Variants in SPAG16 observed in about 807,000 individuals in gnomAD.
SPAG16 encodes the protein sperm associated antigen 16, also known as sperm-associated antigen 16 protein.
SPAG16 carries 86 observed loss-of-function variants against 80.4 expected under a neutral mutation model. The ratio of observed to expected loss-of-function variants is 1.07; its 90% CI spans 0.90 to 1.28. The LOEUF (loss-of-function observed/expected upper bound fraction) is 1.28, where lower values mean the gene tolerates loss of function less well. SPAG16 is among the 50% of genes most tolerant of loss of function. The probability of loss-of-function intolerance (pLI) is 0.00; values close to 1 mark genes in which losing one functional copy is unlikely to be tolerated. For synonymous variants in SPAG16, 294 were observed against 265.9 expected, an observed-to-expected ratio of 1.11 and a Z score of -1.03; for missense variants, 870 against 765.3, an observed-to-expected ratio of 1.14 and a Z score of -1.61.
At chr2:213,663,565 A>G (rs985999839) in intron 10 of SPAG16, among the ~76,000 whole-genome samples, 1 of 152,120 alleles carries the variant, frequency 6.6e-6, no homozygotes, top group African/African-American at 2.4e-5. Context: ...TTTTATGGAC[A>G]GCAATTTGAT....
At chr2:213,326,590 T>C (rs968936243) in intron 5 of SPAG16, among the ~76,000 whole-genome samples, 1 of 152,018 alleles carries the variant, frequency 6.6e-6, no homozygotes, top group Non-Finnish European at 1.5e-5. Context: ...AATATAAAAT[T>C]TAGTGGGTTA....
chr2:214,177,136 A>G (rs1392694270), intron 15 of SPAG16, among the ~76,000 whole-genome samples: 2 of 151,222 alleles, frequency 1.3e-5, no homozygotes, highest in East Asian at 3.9e-4. Flanking sequence ...TATGAAAACT[A>G]AAACCATTTT....
In SPAG16 at chr2:214,205,241, G is replaced by C. The variant is rs529764038; in HGVS notation, c.1720+55975G>C. 4.7e-4 allele frequency among the ~76,000 whole-genome samples: 71 copies of C among 151,780 alleles called. 2 individuals carry two copies. In the East Asian group the frequency reaches 0.013, roughly 27 times the overall value. ...TCTGCCAAAAAAAAAGAAAGAAGAA[G>C]AAGCTATATCAAAAAAATGATACAA... On this transcript the variant is annotated intron_variant, in intron 15 of 15. Coordinates refer to ENST00000331683, the MANE Select transcript of SPAG16 (RefSeq NM_024532.5).
intron 15 of SPAG16, among the ~76,000 whole-genome samples, chr2:214,199,482 T>C (rs548378652): frequency 5.4e-4 from 82 of 152,232 alleles, no homozygotes; most frequent in Non-Finnish European, 1.0e-3. Flanking sequence ...TATACCAGTA[T>C]CATGCTATTT....
intron 15 of SPAG16, among the ~76,000 whole-genome samples, chr2:214,208,103 ACT>A (rs2058196095): frequency 6.6e-6 from 1 of 151,674 alleles, no homozygotes; most frequent in African/African-American, 2.4e-5. Flanking sequence ...CTCCTTAATA[ACT>A]CTCTTTCATA....
chr2:213,360,613 C>G (rs961349001), intron 7 of SPAG16, among the ~76,000 whole-genome samples: 4 of 152,158 alleles, frequency 2.6e-5, no homozygotes, highest in African/African-American at 9.7e-5. Context: ...TTATTGCCAA[C>G]CAATCCTTTC....
At chr2:214,187,608 T>C (rs148509862) in intron 15 of SPAG16, among the ~76,000 whole-genome samples, 14 of 152,066 alleles carry the variant, frequency 9.2e-5, no homozygotes, top group African/African-American at 3.4e-4. Flanking sequence ...GAAACAGGCT[T>C]TTTCATCCAC....
intron 10 of SPAG16, among the ~76,000 whole-genome samples, chr2:213,780,983 A>G (rs960881815): frequency 2.6e-5 from 4 of 152,214 alleles, no homozygotes; most frequent in Admixed American, 2.6e-4. Context: ...CATTTGCTTT[A>G]CCTGAAGGCC....
intron 15 of SPAG16, among the ~76,000 whole-genome samples, chr2:214,262,078 T>A (rs1272256846): frequency 6.6e-6 from 1 of 152,006 alleles, no homozygotes; most frequent in Non-Finnish European, 1.5e-5. Flanking sequence ...ATAATTAGAC[T>A]ATCTATCTGA....
At chr2:214,196,963 T>A (rs1460739458) in intron 15 of SPAG16, among the ~76,000 whole-genome samples, 2 of 152,032 alleles carry the variant, frequency 1.3e-5, no homozygotes, top group Non-Finnish European at 2.9e-5. Context: ...GGAAGACCAC[T>A]TGATGCCAGC....
intron 13 of SPAG16, among the ~76,000 whole-genome samples, chr2:214,060,755 G>T (rs1017467066): frequency 2.0e-4 from 31 of 151,920 alleles, no homozygotes; most frequent in African/African-American, 7.5e-4. Context: ...GCATGGGAGT[G>T]GGACAGAGAG....
At chr2:214,208,795 A>C (rs1559129880) in intron 15 of SPAG16, among the ~76,000 whole-genome samples, 1 of 152,184 alleles carries the variant, frequency 6.6e-6, no homozygotes, top group Non-Finnish European at 1.5e-5. Context: ...TAACATAGAC[A>C]GGGCACTTAA....
chr2:213,913,384 T>C (rs553759439), intron 11 of SPAG16, among the ~76,000 whole-genome samples: 12 of 152,230 alleles, frequency 7.9e-5, no homozygotes, highest in Non-Finnish European at 1.5e-4. Flanking sequence ...GAAGCACATG[T>C]GTAAACGTTT....
intron 10 of SPAG16, among the ~76,000 whole-genome samples, chr2:213,833,490 A>AT (rs1302780769): frequency 0.24 from 637 of 2,626 alleles, 182 homozygotes; most frequent in Non-Finnish European, 0.52. Context: ...TATATATTAT[A>AT]TATAATATAT....
At chr2:213,565,560 T>G (rs1211691029) in intron 10 of SPAG16, among the ~76,000 whole-genome samples, 2 of 152,250 alleles carry the variant, frequency 1.3e-5, no homozygotes, top group African/African-American at 2.4e-5. Context: ...GCTTTTCCCC[T>G]TAGTGTTTTT....
At chr2:214,065,599 A>G (rs541162391) in intron 13 of SPAG16, among the ~76,000 whole-genome samples, 17 of 152,292 alleles carry the variant, frequency 1.1e-4, no homozygotes, top group African/African-American at 3.6e-4. Context: ...CTACAAATAA[A>G]GCTGGAAAGT....
chr2:213,547,251 A>AAAGAAAATAT (rs2076641984), intron 10 of SPAG16, among the ~76,000 whole-genome samples: 1 of 152,126 alleles, frequency 6.6e-6, no homozygotes, highest in African/African-American at 2.4e-5. Flanking sequence ...AATATAATAG[A>AAAGAAAATAT]AAAGGGCTCC....
At chr2:214,037,667 T>C (rs2048769626) in intron 13 of SPAG16, among the ~76,000 whole-genome samples, 2 of 152,082 alleles carry the variant, frequency 1.3e-5, no homozygotes, top group Non-Finnish European at 2.9e-5. Flanking sequence ...TTCTCCTTAA[T>C]TTTTTGCTTT....
chr2:214,128,509 AG>A lies in SPAG16; in HGVS notation c.1593+20249del, dbSNP rs1468702053. Among the ~76,000 whole-genome samples the A allele has an allele frequency of 2.0e-5, 3 of 151,826 alleles. No individual in the cohort carries two copies. The East Asian group carries it at 5.8e-4, about 29-fold the overall frequency. ...CTTATATTTACCCTCAACTTTGGCC[AG>A]TTCCAAGATTGCTGTGCCAAAATCA... On this transcript the variant is annotated intron_variant, in intron 14 of 15. Coordinates refer to ENST00000331683, the MANE Select transcript of SPAG16 (RefSeq NM_024532.5).
Sources: gnomAD v4.1 joint callset for allele counts (sites outside exome capture counted in the v4.1 genomes callset) on GRCh38, gnomAD v4.1.1 for gene constraint, MANE v1.5 for transcripts, NCBI Gene and HGNC (gene_info 2026-07-23, HGNC 2026-07-21) for gene names.